DIAPH2: variants seen among roughly 807,000 people sequenced by gnomAD.
The protein encoded by DIAPH2 is diaphanous related formin 2.
DIAPH2 carries 35 observed loss-of-function variants against 92.7 expected under a neutral mutation model. That is an observed-to-expected ratio of 0.38 (90% CI 0.29 to 0.50). The LOEUF (loss-of-function observed/expected upper bound fraction) is 0.50, where lower values mean the gene tolerates loss of function less well. DIAPH2 is among the 20% of genes least tolerant of loss of function. The probability of loss-of-function intolerance (pLI) is 0.94; values close to 1 mark genes in which losing one functional copy is unlikely to be tolerated. For synonymous variants in DIAPH2, 301 were observed against 280.4 expected, an observed-to-expected ratio of 1.07 and a Z score of -0.73; for missense variants, 701 against 819.5, an observed-to-expected ratio of 0.86 and a Z score of 1.77.
chrX:97,353,427 T>C (rs1175639582), intron 24 of DIAPH2, among the ~76,000 whole-genome samples: 3 of 111,261 alleles, frequency 2.7e-5, no homozygotes, highest in African/African-American at 9.7e-5. Context: ...AAATAAATTA[T>C]AGAAAATACT....
intron 22 of DIAPH2, among the ~76,000 whole-genome samples, chrX:97,238,617 T>A (rs1387604968): frequency 3.6e-5 from 4 of 110,438 alleles, no homozygotes; most frequent in African/African-American, 6.6e-5. Flanking sequence ...CTCACATTTT[T>A]CTTCATTATA....
chrX:97,503,577 G>T (rs764084814), intron 26 of DIAPH2, among the ~76,000 whole-genome samples: 40 of 112,093 alleles, frequency 3.6e-4, no homozygotes, highest in Non-Finnish European at 6.9e-4. Flanking sequence ...AATCTTTCAA[G>T]TGGAGATAAC....
At chrX:97,145,282 C>CAGTAGTAGTAGTAGTAGT (rs3044923) in intron 22 of DIAPH2, among the ~76,000 whole-genome samples, 1,795 of 92,071 alleles carry the variant, frequency 0.019, 48 homozygotes, top group African/African-American at 0.055. Flanking sequence ...GAACTACTAC[C>CAGTAGTAGTAGTAGTAGT]AGTAGTAGTA....
intron 19 of DIAPH2, among the ~76,000 whole-genome samples, chrX:97,094,177 G>C (rs2066848422): frequency 9.0e-6 from 1 of 111,596 alleles, no homozygotes; most frequent in Admixed American, 9.5e-5. Context: ...ATGTCAGTTA[G>C]AAACATGGAG....
Position 97,054,712 on chromosome X carries a change from T to C in DIAPH2, c.2051-18229T>C, listed in dbSNP as rs190983632. On this transcript the variant is annotated intron_variant, in intron 17 of 26. Transcript: ENST00000324765. ...ACACCAGGGTGCTATTAAGTTAATT[T>C]GGAGCCAGATTTTAAAAGGTACTAA... Among the ~76,000 whole-genome samples the C allele has an allele frequency of 4.5e-5, 5 of 111,682 alleles. No individual in the cohort carries two copies. The East Asian group carries it at 1.4e-3, about 31-fold the overall frequency.
intron 17 of DIAPH2, among the ~76,000 whole-genome samples, chrX:96,972,310 TA>T (rs1266055526): frequency 1.8e-5 from 2 of 112,280 alleles, no homozygotes; most frequent in African/African-American, 6.5e-5. Flanking sequence ...ATAGGAGCTT[TA>T]AAACACACTA....
At chrX:97,417,381 C>CACACACACACACACACAT (rs1191788313) in intron 25 of DIAPH2, among the ~76,000 whole-genome samples, 2 of 108,791 alleles carry the variant, frequency 1.8e-5, no homozygotes, top group Non-Finnish European at 3.8e-5. Context: ...CACATACACA[C>CACACACACACACACACAT]ACACACACAC....
At chrX:97,496,521 AAAC>A (rs1221683448) in intron 26 of DIAPH2, among the ~76,000 whole-genome samples, 1 of 111,054 alleles carries the variant, frequency 9.0e-6, no homozygotes, top group East Asian at 2.8e-4. Context: ...AAAAAAAAGA[AAAC>A]ATAAGCATGC....
chrX:96,850,290 T>A (rs2064999143), intron 4 of DIAPH2, among the ~76,000 whole-genome samples: 1 of 112,142 alleles, frequency 8.9e-6, no homozygotes, highest in Non-Finnish European at 1.9e-5. Context: ...ACTGGCTAGA[T>A]GATGATGATA....
At chrX:97,112,734 TC>T (rs1235437970) in intron 20 of DIAPH2, among the ~76,000 whole-genome samples, 71 of 98,644 alleles carry the variant, frequency 7.2e-4, no homozygotes, top group Non-Finnish European at 1.4e-3. Context: ...CTCTCTTTAC[TC>T]CCTCCTTCCT....
chrX:97,016,477 T>G (rs1386676701), intron 17 of DIAPH2, among the ~76,000 whole-genome samples: 1 of 112,153 alleles, frequency 8.9e-6, no homozygotes, highest in Non-Finnish European at 1.9e-5. Flanking sequence ...AGAGAGATAC[T>G]ATATATTTTA....
intron 23 of DIAPH2, among the ~76,000 whole-genome samples, chrX:97,295,238 C>T (rs1489956333): frequency 9.0e-6 from 1 of 111,560 alleles, no homozygotes; most frequent in African/African-American, 3.2e-5. Context: ...TCATTTTTAC[C>T]ATTTGTTTAG....
At chrX:97,148,099 C>T in intron 22 of DIAPH2, among the ~76,000 whole-genome samples, 1 of 111,589 alleles carries the variant, frequency 9.0e-6, no homozygotes, top group Non-Finnish European at 1.9e-5. Context: ...CCCAAGATGA[C>T]ATTTCATCCA....
At chrX:97,350,791 T>C (rs1223498240) in intron 24 of DIAPH2, among the ~76,000 whole-genome samples, 1 of 112,264 alleles carries the variant, frequency 8.9e-6, no homozygotes, top group East Asian at 2.8e-4. Context: ...GAGTCATATA[T>C]ATTACATACA....
At chrX:97,094,077 G>A (rs1328561132) in intron 19 of DIAPH2, among the ~76,000 whole-genome samples, 4 of 111,632 alleles carry the variant, frequency 3.6e-5, no homozygotes, top group Non-Finnish European at 7.5e-5. Context: ...ATTAGGAGAC[G>A]CTGATAAGGT....
intron 26 of DIAPH2, among the ~76,000 whole-genome samples, chrX:97,519,780 G>A (rs1247199741): frequency 9.0e-6 from 1 of 110,626 alleles, no homozygotes; most frequent in Non-Finnish European, 1.9e-5. Flanking sequence ...CACCCAGGCT[G>A]GAGTGCAGTG....
At chrX:96,946,068 G>A (rs772838365) in intron 14 of DIAPH2, among the ~76,000 whole-genome samples, 19 of 111,391 alleles carry the variant, frequency 1.7e-4, no homozygotes, top group Middle Eastern at 4.7e-3. Context: ...TTTAGACTTA[G>A]CTTCTTTGAA....
chrX:97,394,378 A>G (rs1381351356), intron 25 of DIAPH2, among the ~76,000 whole-genome samples: 1 of 111,870 alleles, frequency 8.9e-6, no homozygotes, highest in East Asian at 2.8e-4. Flanking sequence ...AGCCTTACCT[A>G]TGAAGAGAAA....
At chrX:97,295,933 C>T (rs758075027) in intron 23 of DIAPH2, among the ~76,000 whole-genome samples, 33 of 110,017 alleles carry the variant, frequency 3.0e-4, no homozygotes, top group Non-Finnish European at 5.1e-4. Context: ...GGCTTCACCA[C>T]GTTGGCCAGG....
Sources: allele counts gnomAD v4.1 joint callset (sites outside exome capture counted in the v4.1 genomes callset), GRCh38; gene constraint gnomAD v4.1.1; transcripts MANE v1.5; gene names NCBI Gene and HGNC (gene_info 2026-07-23, HGNC 2026-07-21).